MSI2: variants seen among roughly 807,000 people sequenced by gnomAD.
MSI2 encodes the protein musashi RNA binding protein 2.
A neutral mutation model predicts 45.6 loss-of-function variants in MSI2; 17 were observed. That is an observed-to-expected ratio of 0.37 (90% CI 0.26 to 0.56). The LOEUF (loss-of-function observed/expected upper bound fraction) is 0.56, where lower values mean the gene tolerates loss of function less well. Among genes scored for constraint, MSI2 ranks in the 20% least tolerant of loss-of-function variants. The pLI is 0.77. For synonymous variants in MSI2, 156 were observed against 158.2 expected (o/e 0.99, Z 0.11); for missense variants, 293 against 444.2 (o/e 0.66, Z 3.06).
At chr17:57,410,469 G>C (rs1175962562) in intron 6 of MSI2, among the ~76,000 whole-genome samples, 2 of 151,846 alleles carry the variant, frequency 1.3e-5, no homozygotes, top group Non-Finnish European at 2.9e-5. Context: ...CTGTCTGTCT[G>C]TGCACCCCTC....
intron 5 of MSI2, among the ~76,000 whole-genome samples, chr17:57,330,151 C>T (rs1465041405): frequency 6.6e-6 from 1 of 152,006 alleles, no homozygotes; most frequent in Admixed American, 6.6e-5. Context: ...AAGCCATGTG[C>T]CTGAGTGTTC....
intron 7 of MSI2, among the ~76,000 whole-genome samples, chr17:57,588,235 G>C (rs1264732426): frequency 6.6e-6 from 1 of 152,202 alleles, no homozygotes; most frequent in Non-Finnish European, 1.5e-5. Flanking sequence ...ATCTGCCTCT[G>C]ATGGCCTCCT....
chr17:57,568,794 T>C (rs2087801502), intron 7 of MSI2, among the ~76,000 whole-genome samples: 2 of 152,230 alleles, frequency 1.3e-5, no homozygotes, highest in South Asian at 2.1e-4. Context: ...ATCGTAATGC[T>C]TGCTGAGTGG....
At chr17:57,430,845 TA>T (rs965952347) in intron 6 of MSI2, among the ~76,000 whole-genome samples, 1 of 152,140 alleles carries the variant, frequency 6.6e-6, no homozygotes, top group African/African-American at 2.4e-5. Flanking sequence ...AATCAGAGCA[TA>T]GGGGGTCCTC....
At chr17:57,676,330 G>A (rs1324672247) in intron 12 of MSI2, among the ~76,000 whole-genome samples, 1 of 152,178 alleles carries the variant, frequency 6.6e-6, no homozygotes, top group Non-Finnish European at 1.5e-5. Context: ...TGTGCAGGAT[G>A]GGTCCTTGTT....
chr17:57,438,504 G>A (rs1352747038), intron 6 of MSI2, among the ~76,000 whole-genome samples: 1 of 152,136 alleles, frequency 6.6e-6, no homozygotes, highest in African/African-American at 2.4e-5. Flanking sequence ...AGACTTTCTG[G>A]AGGCTGGGCA....
intron 9 of MSI2, among the ~76,000 whole-genome samples, chr17:57,619,924 T>C (rs1908131616): frequency 6.6e-6 from 1 of 152,202 alleles, no homozygotes; most frequent in Non-Finnish European, 1.5e-5. Context: ...GTTCTTGAGT[T>C]ATAACCTCCG....
At chr17:57,690,883 A>G in the MSI2 span, among the ~76,000 whole-genome samples, 4 of 152,188 alleles carry the variant, frequency 2.6e-5, no homozygotes, top group African/African-American at 9.6e-5. Flanking sequence ...TTTATCCTAT[A>G]TTCTGTTCCA....
At chr17:57,388,981 C>CT (rs1251175262) in intron 5 of MSI2, among the ~76,000 whole-genome samples, 1,930 of 113,822 alleles carry the variant, frequency 0.017, 38 homozygotes, top group African/African-American at 0.053. Context: ...TCTTCTTCTT[C>CT]TTTTTTTTTT....
At chr17:57,405,749 T>C (rs1241026883) in intron 6 of MSI2, among the ~76,000 whole-genome samples, 2 of 152,206 alleles carry the variant, frequency 1.3e-5, no homozygotes, top group Non-Finnish European at 2.9e-5. Flanking sequence ...TTAATGACAC[T>C]CGGAATTTTT....
At chr17:57,390,670 A>G (rs2083773536) in intron 5 of MSI2, among the ~76,000 whole-genome samples, 1 of 152,206 alleles carries the variant, frequency 6.6e-6, no homozygotes, top group African/African-American at 2.4e-5. Context: ...TTGGCTTTAG[A>G]ACCTGCCTAC....
At chr17:57,677,107 C>T in intron 13 of MSI2, 48 bp downstream of exon 13, 2 of 1,290,216 alleles carry the variant, frequency 1.6e-6, no homozygotes, top group Non-Finnish European at 2.3e-6. Flanking sequence ...TGTGTCCGTA[C>T]ATGTATGTCC....
At chr17:57,605,137 G>A (rs537817312) in intron 8 of MSI2, among the ~76,000 whole-genome samples, 1 of 152,318 alleles carries the variant, frequency 6.6e-6, no homozygotes, top group South Asian at 2.1e-4. Flanking sequence ...AGGCAAAAAA[G>A]GAAATGCCAG....
chr17:57,536,825 G>T (rs989655410), intron 7 of MSI2, among the ~76,000 whole-genome samples: 1 of 152,182 alleles, frequency 6.6e-6, no homozygotes, highest in African/African-American at 2.4e-5. Context: ...ATGCCAGCTG[G>T]GTTCTCTTAG....
intron 5 of MSI2, among the ~76,000 whole-genome samples, chr17:57,328,473 A>G (rs1454621109): frequency 6.6e-6 from 1 of 152,184 alleles, no homozygotes; most frequent in Non-Finnish European, 1.5e-5. Flanking sequence ...CTTTGTATAT[A>G]TTTCTCCTCT....
At chr17:57,375,888 C>G (rs1443679776) in intron 5 of MSI2, among the ~76,000 whole-genome samples, 2 of 152,174 alleles carry the variant, frequency 1.3e-5, no homozygotes, top group Non-Finnish European at 2.9e-5. Flanking sequence ...CCAAGGCACC[C>G]CAGGCCGCGT....
At chr17:57,273,416 G>A (rs979665648) in intron 5 of MSI2, among the ~76,000 whole-genome samples, 2 of 150,950 alleles carry the variant, frequency 1.3e-5, no homozygotes, top group Non-Finnish European at 2.9e-5. Context: ...TGCAGTACAC[G>A]ATGTTCAGGT....
chr17:57,604,926 G>A (rs1173795210), intron 8 of MSI2, among the ~76,000 whole-genome samples: 1 of 148,280 alleles, frequency 6.7e-6, no homozygotes, highest in Non-Finnish European at 1.5e-5. Flanking sequence ...CAACTCAGTC[G>A]GGAACCAGCC....
intron 7 of MSI2, among the ~76,000 whole-genome samples, chr17:57,564,102 C>T (rs2087667656): frequency 6.6e-6 from 1 of 152,234 alleles, no homozygotes; most frequent in South Asian, 2.1e-4. Context: ...ACAAAGGCCC[C>T]CATGTCCCTG....
Sources: allele counts gnomAD v4.1 joint callset (sites outside exome capture counted in the v4.1 genomes callset), GRCh38; gene constraint gnomAD v4.1.1; transcripts MANE v1.5; gene names NCBI Gene and HGNC (gene_info 2026-07-23, HGNC 2026-07-21).